The following MTG1 variants were observed in gnomAD, a reference collection of about 807,000 sequenced individuals.
MTG1 encodes the protein mitochondrial ribosome associated GTPase 1.
Under a neutral mutation model 39.5 loss-of-function variants are expected in MTG1, and 30 were observed. The observed-to-expected ratio is 0.76, with a 90% CI of 0.57 to 1.03. The LOEUF (loss-of-function observed/expected upper bound fraction) is 1.03. Ranked by LOEUF, MTG1 falls within the 50% of genes least tolerant of loss-of-function variation. MTG1 has a pLI of 0.00. For synonymous variants in MTG1, 217 were observed against 179.0 expected, an observed-to-expected ratio of 1.21 and a Z score of -1.69; for missense variants, 513 against 447.4, an observed-to-expected ratio of 1.15 and a Z score of -1.32.
chr10:133,405,507 C>G (rs1231293362), intron 9 of MTG1, among the ~76,000 whole-genome samples: 1 of 152,232 alleles, frequency 6.6e-6, no homozygotes, highest in African/African-American at 2.4e-5. Context: ...CCCTCTTCCC[C>G]TCACCTCTGG....
chr10:133,402,135 C>T lies in MTG1; in HGVS notation c.574-14C>T, dbSNP rs1849886800. 6.2e-7 allele frequency: 1 copy of T among 1,614,024 alleles called. No homozygotes were observed. The highest frequency in any genetic ancestry group is 8.5e-7 in the Non-Finnish European group (1 of 1,179,996). ...TGCCACCGCGGCCTGATCATGCCCT[C>T]TGTGCCCACACAGGTCTCTGAGCGG... On this transcript the variant is annotated splice_polypyrimidine_tract_variant and intron_variant, in intron 7 of 10. Transcript: ENST00000317502. This position sits in a 1 kb window ranked among gnomAD's most constrained non-coding sequence, Gnocchi z 4.7.
Position 133,402,565 on chromosome 10 carries a change from T to A in MTG1, c.671-127T>A. The A allele has an allele frequency of 1.1e-6, 1 of 878,324 alleles. No individual in the cohort carries two copies. Among genetic ancestry groups the A allele is most frequent in the Non-Finnish European group, 1.8e-6 (1 of 565,580 alleles). The allele number at this position is 878,324 out of a possible 1,614,324, so 54.4% of individuals were successfully genotyped here. On this transcript the variant is annotated intron_variant, in intron 8 of 10. Coordinates refer to ENST00000317502, the MANE Select transcript of MTG1 (RefSeq NM_138384.4). The surrounding 1 kb of genome is among the most constrained non-coding windows in gnomAD (Gnocchi z 4.7). Reference sequence around the variant, plus strand: ...GTGCCGTCCTCTTGGTTAGTGTCTTTGTCAGTGGCTGGCCTCTTCCTCACG... The same window carrying A: ...GTGCCGTCCTCTTGGTTAGTGTCTTAGTCAGTGGCTGGCCTCTTCCTCACG...
chr10:133,415,974 GGCGGGTGTCGGCAC>G (rs140965829), intron 9 of MTG1, among the ~76,000 whole-genome samples: 1,033 of 132,302 alleles, frequency 7.8e-3, no homozygotes, highest in South Asian at 0.01. Context: ...GTGTCGGGCA[GGCGGGTGTCGGCAC>G]GCGGGTGTCG....
chr10:133,395,341 G>A (rs369037395), intron 1 of MTG1, among the ~76,000 whole-genome samples: 1 of 152,232 alleles, frequency 6.6e-6, no homozygotes, highest in Non-Finnish European at 1.5e-5. Context: ...GTTGCAGTGA[G>A]CCGAGATCGT....
intron 9 of MTG1, among the ~76,000 whole-genome samples, chr10:133,416,974 G>A (rs536754472): frequency 5.3e-5 from 8 of 151,310 alleles, no homozygotes; most frequent in African/African-American, 1.9e-4. Flanking sequence ...CTGAGGAATC[G>A]CCACACTGAC....
In MTG1 at chr10:133,402,451, A is replaced by C. The variant is rs117007737; in HGVS notation, c.670+206A>C. On this transcript the variant is annotated intron_variant, in intron 8 of 10. Coordinates refer to ENST00000317502, the MANE Select transcript of MTG1 (RefSeq NM_138384.4). The surrounding 1 kb of genome is among the most constrained non-coding windows in gnomAD (Gnocchi z 4.7). ...GGTCACCATTCCACCCTGCCCCATG[A>C]GTGGCCTTCCCTTTCCCCATTTGAC... 6,264 of 700,048 alleles carry C rather than the reference A, an allele frequency of 8.9e-3. 43 individuals are homozygous for C. Among genetic ancestry groups the C allele is most frequent in the Middle Eastern group, 0.036 (88 of 2,478 alleles). 43.4% of individuals were successfully genotyped at this position (700,048 alleles called of 1,614,324 possible).
intron 9 of MTG1, among the ~76,000 whole-genome samples, chr10:133,417,976 T>A (rs1162857101): frequency 6.6e-6 from 1 of 152,160 alleles, no homozygotes; most frequent in Non-Finnish European, 1.5e-5. Context: ...TTCAATGCCA[T>A]CCCCATCAAG....
chr10:133,396,925 G>A (rs554422175), intron 3 of MTG1, among the ~76,000 whole-genome samples: 38 of 152,298 alleles, frequency 2.5e-4, no homozygotes, highest in Non-Finnish European at 3.5e-4. Flanking sequence ...TAGCGGTAGC[G>A]TCAGTGTCAA....
chr10:133,394,167 C>T lies in MTG1; in HGVS notation c.-54C>T, dbSNP rs960588582. On this transcript the variant is annotated 5_prime_UTR_variant, in exon 1 of 11. Transcript: ENST00000317502. The stretch of plus-strand genomic sequence containing the variant: ...CAGCGCCGGAACCTCAGAGGCGGGT[C>T]GCAGCGGCGCAGAGGAGGTCAGCTG... 2.2e-6 allele frequency: 3 copies of T among 1,370,378 alleles called. No individual in the cohort carries two copies. Among genetic ancestry groups the T allele is most frequent in the South Asian group, 1.3e-5 (1 of 75,456 alleles). The allele number at this position is 1,370,378 out of a possible 1,614,324, so 84.9% of individuals were successfully genotyped here.
At position 133,402,820 on chromosome 10, in the gene MTG1, C is replaced by A; in HGVS notation, c.752+47C>A. On this transcript the variant is annotated intron_variant, in intron 9 of 10. Coordinates refer to ENST00000317502, the MANE Select transcript of MTG1 (RefSeq NM_138384.4). The surrounding 1 kb of genome is among the most constrained non-coding windows in gnomAD (Gnocchi z 4.7). ...CAGCTGGGGCCCCTCCTCCTAGTCA[C>A]CTCATTTAAAAAAAAAAAACAAACA... is the stretch of plus-strand genomic sequence containing the variant. The A allele has an allele frequency of 2.2e-6, 3 of 1,361,550 alleles. No homozygotes were observed. The highest frequency in any genetic ancestry group is 1.6e-5 in the African/African-American group (1 of 63,950). 84.3% of individuals were successfully genotyped at this position (1,361,550 alleles called of 1,614,324 possible). A position where few individuals can be genotyped will look rare whatever the true frequency, so the allele number is the denominator to read the frequency against.
rs111649485 is a variant in MTG1, at chr10:133,395,696, G to A, written c.113-17G>A. On this transcript the variant is annotated splice_polypyrimidine_tract_variant and intron_variant, in intron 1 of 10. Transcript: ENST00000317502. ...AGGTTGTGAGCCCCTTCGCTGAGGCGTCCTTCTGTTTTCCAGGGCTGAAGA... is the reference window on the plus strand; with the variant it reads ...AGGTTGTGAGCCCCTTCGCTGAGGCATCCTTCTGTTTTCCAGGGCTGAAGA... 175 of 1,613,504 alleles carry A rather than the reference G, an allele frequency of 1.1e-4. No homozygotes were observed. The highest frequency in any genetic ancestry group is 1.4e-4 in the Non-Finnish European group (160 of 1,179,762).
In MTG1 at chr10:133,399,100, T is replaced by C. The variant is rs1380730533; in HGVS notation, c.364-70T>C. 2.0e-6 allele frequency: 3 copies of C among 1,532,138 alleles called. No homozygotes were observed. The Admixed American group carries it at 5.0e-5, about 26-fold the overall frequency. 94.9% of individuals were successfully genotyped at this position (1,532,138 alleles called of 1,614,324 possible). On this transcript the variant is annotated intron_variant, in intron 4 of 10. Coordinates refer to ENST00000317502, the MANE Select transcript of MTG1 (RefSeq NM_138384.4). ...TGGAATCCCTAATCCTGTTCTGAGG[T>C]GGCAGAAGGAGCGGGTCAGTGCACA...
In MTG1 at chr10:133,402,535, G is replaced by A; in HGVS notation, c.671-157G>A. On this transcript the variant is annotated intron_variant, in intron 8 of 10. Coordinates refer to ENST00000317502, the MANE Select transcript of MTG1 (RefSeq NM_138384.4). The surrounding 1 kb of genome is among the most constrained non-coding windows in gnomAD (Gnocchi z 4.7). ...GGCAGGAGTGGGGGCCGGGACCACA[G>A]CCGAGTGCCGTCCTCTTGGTTAGTG... 1 of 747,740 alleles carries A rather than the reference G, an allele frequency of 1.3e-6. No homozygotes were observed. The highest frequency in any genetic ancestry group is 1.8e-5 in the South Asian group (1 of 56,762). 46.3% of individuals were successfully genotyped at this position (747,740 alleles called of 1,614,324 possible).
At chr10:133,401,387 C>T (rs1392931188) in intron 6 of MTG1, 142 bp from the exon 7 acceptor site, 5 of 623,512 alleles carry the variant, frequency 8.0e-6, no homozygotes, top group Non-Finnish European at 8.1e-6. Flanking sequence ...ACATAGTCTC[C>T]CTGCTTGGCT....
intron 6 of MTG1, among the ~76,000 whole-genome samples, chr10:133,401,041 C>T (rs1189852025): frequency 6.6e-6 from 1 of 152,188 alleles, no homozygotes; most frequent in Admixed American, 6.5e-5. Flanking sequence ...AGTGGAGTGG[C>T]CTCCTTGGGA....
rs762739896 is a variant in MTG1, at chr10:133,401,725, C to G, written c.573+135C>G. 6 of 841,182 alleles carry G rather than the reference C, an allele frequency of 7.1e-6. No homozygotes were observed. In the South Asian group the frequency reaches 8.5e-5, roughly 12 times the overall value. The allele number at this position is 841,182 out of a possible 1,614,324, so 52.1% of individuals were successfully genotyped here. A position where few individuals can be genotyped will look rare whatever the true frequency, so the allele number is the denominator to read the frequency against. On this transcript the variant is annotated intron_variant, in intron 7 of 10. Coordinates refer to ENST00000317502, the MANE Select transcript of MTG1 (RefSeq NM_138384.4). ...CACTCAGTGTCCCCGCTGAGCACCC[C>G]CGGGGCAGGCACTGCCCCTGCCCTT...
chr10:133,415,211 A>AG (rs1331250395), intron 9 of MTG1, among the ~76,000 whole-genome samples: 1 of 151,930 alleles, frequency 6.6e-6, no homozygotes, highest in Non-Finnish European at 1.5e-5. Flanking sequence ...CGGGAGCGGG[A>AG]GAGGGAGCGG....
intron 1 of MTG1, 123 bp downstream of exon 1, chr10:133,394,455 C>CGGA (rs1491195928): frequency 1.7e-5 from 22 of 1,324,426 alleles, no homozygotes; most frequent in Non-Finnish European, 1.9e-5. Context: ...CGCCCCTCCT[C>CGGA]CCTTGTCTCC....
intron 1 of MTG1, 35 bp downstream of exon 1, chr10:133,394,367 A>G (rs759848353): frequency 2.1e-6 from 3 of 1,432,806 alleles, no homozygotes; most frequent in South Asian, 1.4e-5. Flanking sequence ...GGTCATGCCT[A>G]CGGCCGCGGC....
Sources: gnomAD v4.1 joint callset for allele counts (sites outside exome capture counted in the v4.1 genomes callset) on GRCh38, gnomAD v4.1.1 for gene constraint, Gnocchi (gnomAD v3.1) non-coding constraint, MANE v1.5 for transcripts, NCBI Gene and HGNC (gene_info 2026-07-23, HGNC 2026-07-21) for gene names.